SLC17A5: variants seen among roughly 807,000 people sequenced by gnomAD.
SLC17A5 encodes sialin.
SLC17A5 carries 47 observed loss-of-function variants against 59.4 expected under a neutral mutation model. That is an observed-to-expected ratio of 0.79 (90% CI 0.63 to 1.01). The LOEUF is 1.01. Ranked by LOEUF, SLC17A5 falls within the 50% of genes least tolerant of loss-of-function variation. The pLI is 0.00. For missense variants in SLC17A5, 522 were observed against 595.5 expected (o/e 0.88, Z 1.28); for synonymous variants, 202 against 210.7 (o/e 0.96, Z 0.36).
chr6:73,614,452 C>T (rs1561989372), intron 8 of SLC17A5, among the ~76,000 whole-genome samples: 1 of 152,044 alleles, frequency 6.6e-6, no homozygotes, highest in Non-Finnish European at 1.5e-5. Flanking sequence ...TGGTCTCTGC[C>T]CCCGGTTTTT....
At chr6:73,652,927 C>T (rs1581996853) in intron 1 of SLC17A5, 2 of 485,180 alleles carry the variant, frequency 4.1e-6, no homozygotes, top group Non-Finnish European at 5.4e-6. Flanking sequence ...CTTTAGTTTT[C>T]GTTACTTTTA....
intron 6 of SLC17A5, 72 bp downstream of exon 6, chr6:73,635,310 T>C (rs1450691191): frequency 1.2e-6 from 1 of 851,578 alleles, no homozygotes; most frequent in Non-Finnish European, 2.0e-6. Flanking sequence ...TATATATTTT[T>C]AAAAACTGAT....
At position 73,641,655 on chromosome 6, in the gene SLC17A5, C is replaced by T. The variant is rs12192476; in HGVS notation, c.525+36G>A. 6.3e-5 allele frequency: 90 copies of T among 1,431,958 alleles called. No individual in the cohort carries two copies. The East Asian group carries it at 1.6e-3, about 25-fold the overall frequency. The allele number at this position is 1,431,958 out of a possible 1,614,324, so 88.7% of individuals were successfully genotyped here. ...TTTAAGAAGAAGAGAAGGAGACACACGGTAAGAAGTAAAACAAGAGAGAAA... is the reference window on the plus strand; with the variant it reads ...TTTAAGAAGAAGAGAAGGAGACACATGGTAAGAAGTAAAACAAGAGAGAAA... On this transcript the variant is annotated intron_variant, in intron 3 of 10. Transcript: ENST00000355773.
intron 6 of SLC17A5, among the ~76,000 whole-genome samples, chr6:73,626,443 A>G (rs1221545387): frequency 5.3e-5 from 8 of 152,258 alleles, no homozygotes; most frequent in Non-Finnish European, 8.8e-5. Flanking sequence ...TGTAAGATCA[A>G]CTTATAGTAT....
At chr6:73,645,789 C>CAAA (rs58205870) in intron 1 of SLC17A5, among the ~76,000 whole-genome samples, 50 of 75,920 alleles carry the variant, frequency 6.6e-4, no homozygotes, top group East Asian at 1.9e-3. Context: ...GACTCCGTCT[C>CAAA]AAAAAAAAAA....
chr6:73,630,807 G>C (rs2150108387), intron 6 of SLC17A5, among the ~76,000 whole-genome samples: 1 of 152,244 alleles, frequency 6.6e-6, no homozygotes, highest in African/African-American at 2.4e-5. Flanking sequence ...AGCACTTCGG[G>C]AGATGAAGGC....
At chr6:73,621,552 T>C (rs1768155398) in intron 7 of SLC17A5, among the ~76,000 whole-genome samples, 1 of 152,246 alleles carries the variant, frequency 6.6e-6, no homozygotes, top group African/African-American at 2.4e-5. Context: ...TTTTTATTAT[T>C]GAATTGTAAG....
At chr6:73,647,004 G>T (rs1290036460) in intron 1 of SLC17A5, among the ~76,000 whole-genome samples, 1 of 152,066 alleles carries the variant, frequency 6.6e-6, no homozygotes, top group Non-Finnish European at 1.5e-5. Context: ...ATTGCTCTGT[G>T]TCAGGTGATA....
intron 6 of SLC17A5, among the ~76,000 whole-genome samples, chr6:73,632,314 A>AG (rs1768773402): frequency 2.1e-5 from 3 of 144,596 alleles, no homozygotes; most frequent in African/African-American, 7.8e-5. Context: ...AAAAAAAAAA[A>AG]GGAATGCAAT....
intron 6 of SLC17A5, among the ~76,000 whole-genome samples, chr6:73,626,851 A>G (rs1335709422): frequency 6.6e-6 from 1 of 152,124 alleles, no homozygotes; most frequent in African/African-American, 2.4e-5. Flanking sequence ...GGCTCACTAC[A>G]ACCTCCGCCT....
At chr6:73,608,566 G>C (rs190272522) in intron 9 of SLC17A5, among the ~76,000 whole-genome samples, 2 of 152,168 alleles carry the variant, frequency 1.3e-5, no homozygotes, top group Non-Finnish European at 2.9e-5. Flanking sequence ...ACAATTAAGT[G>C]AATCAATAGA....
At chr6:73,596,305 G>C (rs1453343576) in intron 10 of SLC17A5, among the ~76,000 whole-genome samples, 32 of 152,110 alleles carry the variant, frequency 2.1e-4, no homozygotes, top group Non-Finnish European at 1.5e-5. Context: ...ATACTGTTAA[G>C]ATGAACTCAA....
intron 3 of SLC17A5, among the ~76,000 whole-genome samples, chr6:73,640,809 A>C (rs1053290588): frequency 1.3e-5 from 2 of 151,734 alleles, no homozygotes; most frequent in African/African-American, 4.9e-5. Context: ...AAAAATGATA[A>C]AACTATTAAG....
intron 1 of SLC17A5, among the ~76,000 whole-genome samples, chr6:73,650,851 T>C (rs901779881): frequency 2.0e-5 from 3 of 152,202 alleles, no homozygotes; most frequent in African/African-American, 7.2e-5. Context: ...GTATCTCCAG[T>C]GTCTAGAGCC....
chr6:73,620,096 A>G (rs937554043), intron 7 of SLC17A5, among the ~76,000 whole-genome samples: 1 of 151,584 alleles, frequency 6.6e-6, no homozygotes, highest in Non-Finnish European at 1.5e-5. Flanking sequence ...GCTAATTTTT[A>G]TATTTTTAGT....
In SLC17A5 at chr6:73,610,323, C is replaced by T. The variant is rs964060196; in HGVS notation, c.1259+77G>A. The T allele has an allele frequency of 8.4e-6, 13 of 1,548,816 alleles. No individual in the cohort carries two copies. The African/African-American group carries it at 9.5e-5, about 11-fold the overall frequency. ...TGCTGGGATTACAGGTGTGAGTCAC[C>T]GCCTCTGGCCTTTTATCAGGATTTT... On this transcript the variant is annotated intron_variant, in intron 9 of 10. Transcript: ENST00000355773.
At chr6:73,599,944 C>T (rs1005038322) in intron 10 of SLC17A5, among the ~76,000 whole-genome samples, 1 of 152,050 alleles carries the variant, frequency 6.6e-6, no homozygotes, top group African/African-American at 2.4e-5. Context: ...CTACAGGCAC[C>T]TGCCACCACA....
intron 9 of SLC17A5, among the ~76,000 whole-genome samples, chr6:73,601,677 A>G (rs62438428): frequency 5.4e-5 from 4 of 74,602 alleles, no homozygotes; most frequent in Admixed American, 2.6e-4. Flanking sequence ...TGCCCCGTCC[A>G]GGAGGGAGGT....
chr6:73,643,094 A>G (rs1040632183), intron 2 of SLC17A5, among the ~76,000 whole-genome samples: 3 of 152,136 alleles, frequency 2.0e-5, no homozygotes, highest in Admixed American at 6.5e-5. Context: ...AGATTCATCT[A>G]AGTATGAACT....
Sources: allele counts gnomAD v4.1 joint callset (sites outside exome capture counted in the v4.1 genomes callset), GRCh38; gene constraint gnomAD v4.1.1; transcripts MANE v1.5; gene names NCBI Gene and HGNC (gene_info 2026-07-23, HGNC 2026-07-21).